The following RPH3AL variants were observed in gnomAD, a reference collection of about 807,000 sequenced individuals.
The protein encoded by RPH3AL is rab effector Noc2.
RPH3AL carries 38 observed loss-of-function variants against 43.1 expected under a neutral mutation model. That is an observed-to-expected ratio of 0.88 (90% CI 0.68 to 1.15). RPH3AL has a LOEUF of 1.15. Ranked by LOEUF, RPH3AL falls within the 50% of genes most tolerant of loss-of-function variation. RPH3AL has a pLI of 0.00. For missense variants in RPH3AL, 462 were observed against 423.2 expected (o/e 1.09, Z -0.81); for synonymous variants, 189 against 176.3 (o/e 1.07, Z -0.57).
chr17:349,612 AG>A (rs1474070884), intron 1 of RPH3AL, among the ~76,000 whole-genome samples: 2 of 152,116 alleles, frequency 1.3e-5, no homozygotes, highest in East Asian at 3.9e-4. Context: ...GCTTGAGGCC[AG>A]GAGTTCGAGA....
intron 7 of RPH3AL, among the ~76,000 whole-genome samples, chr17:227,703 C>T (rs1028099199): frequency 6.6e-5 from 10 of 152,144 alleles, no homozygotes; most frequent in Non-Finnish European, 1.3e-4. Flanking sequence ...CATTGCCGCC[C>T]GGCACAAGGA....
intron 5 of RPH3AL, among the ~76,000 whole-genome samples, chr17:299,043 T>C (rs1326397140): frequency 7.2e-6 from 1 of 138,094 alleles, no homozygotes; most frequent in East Asian, 2.1e-4. Context: ...CTGCTGGCAG[T>C]AGGGAGCCAC....
intron 7 of RPH3AL, among the ~76,000 whole-genome samples, chr17:235,973 C>CG (rs2041382065): frequency 7.0e-6 from 1 of 142,308 alleles, no homozygotes; most frequent in Non-Finnish European, 1.5e-5. Context: ...TGGGGTCGGC[C>CG]AAGGCTCTAC....
At position 225,889 on chromosome 17, in the gene RPH3AL, T is replaced by G. The variant is rs1418685141; in HGVS notation, c.614-6153A>C. 6.6e-6 allele frequency among the ~76,000 whole-genome samples: 1 copy of G among 152,194 alleles called. No individual in the cohort carries two copies. Among genetic ancestry groups the G allele is most frequent in the African/African-American group, 2.4e-5 (1 of 41,452 alleles). ...ACGATGGGATGGGATGTCCCAGGAC[T>G]GGGGTTAGGGAGGTGAGCTCACCCT... On this transcript the variant is annotated intron_variant, in intron 7 of 9. Transcript: ENST00000331302. The surrounding 1 kb of genome is among the most constrained non-coding windows in gnomAD (Gnocchi z 4.4).
chr17:262,724 C>A (rs1055960246), intron 6 of RPH3AL, among the ~76,000 whole-genome samples: 3 of 152,142 alleles, frequency 2.0e-5, no homozygotes, highest in African/African-American at 7.2e-5. Flanking sequence ...TAAGCCCATG[C>A]CCCGAGCCAT....
chr17:306,837 C>A (rs1368498866), intron 5 of RPH3AL, among the ~76,000 whole-genome samples: 3 of 151,850 alleles, frequency 2.0e-5, no homozygotes, highest in Non-Finnish European at 4.4e-5. Context: ...CCCCCTCTGA[C>A]CTCCTCTTCT....
In RPH3AL at chr17:213,505, C is replaced by G; in HGVS notation, c.*347G>C. 1 of 399,644 alleles carries G rather than the reference C, an allele frequency of 2.5e-6. No individual in the cohort carries two copies. The highest frequency in any genetic ancestry group is 4.6e-6 in the Non-Finnish European group (1 of 216,444). 24.8% of individuals were successfully genotyped at this position (399,644 alleles called of 1,614,324 possible). On this transcript the variant is annotated 3_prime_UTR_variant, in exon 10 of 10. Coordinates refer to ENST00000331302, the MANE Select transcript of RPH3AL (RefSeq NM_006987.4). Reference sequence around the variant, plus strand: ...AATATAGCAACGGAGATAGCCCCACCGGGCGGCCCCTCTGACACTGCATGT... The same window carrying G: ...AATATAGCAACGGAGATAGCCCCACGGGGCGGCCCCTCTGACACTGCATGT...
chr17:218,467 G>T (rs868949881), intron 8 of RPH3AL, among the ~76,000 whole-genome samples: 3 of 142,238 alleles, frequency 2.1e-5, no homozygotes, highest in South Asian at 2.2e-4. Context: ...AATTGGCCTC[G>T]CTGAAATCAG....
chr17:219,516 C>CTTTTCTTT (rs2040899291), intron 8 of RPH3AL, 107 bp downstream of exon 8: 1 of 224,398 alleles, frequency 4.5e-6, no homozygotes, highest in South Asian at 4.7e-5. Context: ...CATTTCTTTT[C>CTTTTCTTT]TTTTTCTTCC....
rs1295998456 is a variant in RPH3AL, at chr17:300,782, G to A, written c.351+18638C>T. On this transcript the variant is annotated intron_variant, in intron 5 of 9. Transcript: ENST00000331302. ...GCAGAATCTCTCACCCGCTCTAGCA[G>A]GGGCTGGCCCAGCCTAGGCCCGCAG... Among the ~76,000 whole-genome samples the A allele has an allele frequency of 1.4e-5, 2 of 138,538 alleles. 1 individual carries two copies. Among genetic ancestry groups the A allele is most frequent in the African/African-American group, 6.3e-5 (2 of 31,594 alleles). 90.9% of individuals were successfully genotyped at this position (138,538 alleles called of 152,430 possible).
chr17:245,707 AC>A lies in RPH3AL; in HGVS notation c.613+1403del, dbSNP rs2041748575. On this transcript the variant is annotated intron_variant, in intron 7 of 9. Coordinates refer to ENST00000331302, the MANE Select transcript of RPH3AL (RefSeq NM_006987.4). The surrounding 1 kb of genome is among the most constrained non-coding windows in gnomAD (Gnocchi z 5.9). The stretch of plus-strand genomic sequence containing the variant: ...TCTGAGGTCCAAGGGTGGCAGAGGG[AC>A]CAGGTGGAGGACCGCCACTTCTCCA... Among the ~76,000 whole-genome samples the A allele has an allele frequency of 6.6e-6, 1 of 151,998 alleles. No individual in the cohort carries two copies. Among genetic ancestry groups the A allele is most frequent in the Admixed American group, 6.6e-5 (1 of 15,234 alleles).
At chr17:261,852 G>C (rs1317138066) in intron 6 of RPH3AL, 1 of 152,194 alleles carries the variant, frequency 6.6e-6, no homozygotes, top group African/African-American at 2.4e-5. Context: ...GGTGAGCTGA[G>C]GGGAAGTTCC....
chr17:264,726 G>T lies in RPH3AL; in HGVS notation c.438+17042C>A, dbSNP rs556320385. On this transcript the variant is annotated intron_variant, in intron 6 of 9. Coordinates refer to ENST00000331302, the MANE Select transcript of RPH3AL (RefSeq NM_006987.4). This position sits in a 1 kb window ranked among gnomAD's most constrained non-coding sequence, Gnocchi z 4.8. The stretch of plus-strand genomic sequence containing the variant: ...GAGGATGACCCTTCCACCTGTGACC[G>T]GTATCAGCAAAAATGGAACACAGAA... Among the ~76,000 whole-genome samples the T allele has an allele frequency of 6.6e-6, 1 of 152,108 alleles. No individual in the cohort carries two copies. Among genetic ancestry groups the T allele is most frequent in the African/African-American group, 2.4e-5 (1 of 41,404 alleles).
intron 2 of RPH3AL, chr17:331,651 G>A (rs1048387671): frequency 5.4e-6 from 7 of 1,288,124 alleles, no homozygotes; most frequent in Admixed American, 2.3e-5. Context: ...AGCATGCAGA[G>A]GCTCCCTGAC....
intron 6 of RPH3AL, among the ~76,000 whole-genome samples, chr17:250,774 G>A (rs570910653): frequency 4.7e-5 from 7 of 147,416 alleles, no homozygotes; most frequent in South Asian, 2.2e-4. Context: ...CTGCCACTGC[G>A]GGACCTCTCA....
intron 5 of RPH3AL, among the ~76,000 whole-genome samples, chr17:300,930 C>A (rs1170101714): frequency 6.9e-6 from 1 of 145,958 alleles, no homozygotes; most frequent in East Asian, 2.1e-4. Context: ...GCAGGGGCTG[C>A]CACAGCCTAG....
At chr17:223,626 G>T (rs1393975966) in intron 7 of RPH3AL, among the ~76,000 whole-genome samples, 1 of 151,998 alleles carries the variant, frequency 6.6e-6, no homozygotes, top group African/African-American at 2.4e-5. Context: ...GTGTAGGGAA[G>T]AATTCAGAGA....
At chr17:278,921 A>C (rs1189661603) in intron 6 of RPH3AL, among the ~76,000 whole-genome samples, 3 of 152,104 alleles carry the variant, frequency 2.0e-5, no homozygotes, top group Non-Finnish European at 4.4e-5. Context: ...TCTCACCAGC[A>C]CTCAACTCGC....
rs181050881 is a variant in RPH3AL, at chr17:333,685, C to T, written c.-37+74G>A. ...GAAATGGACATCCTGGCAGATAAAT[C>T]TCTGACGACTGCCTTAGGATAAGTT... is the stretch of plus-strand genomic sequence containing the variant. On this transcript the variant is annotated intron_variant, in intron 2 of 9. Coordinates refer to ENST00000331302, the MANE Select transcript of RPH3AL (RefSeq NM_006987.4). This position sits in a 1 kb window ranked among gnomAD's most constrained non-coding sequence, Gnocchi z 4.5. The T allele has an allele frequency of 1.2e-4, 21 of 181,146 alleles. No homozygotes were observed. The East Asian group carries it at 2.4e-3, about 21-fold the overall frequency. The allele number at this position is 181,146 out of a possible 1,614,324, so 11.2% of individuals were successfully genotyped here.
Sources: allele counts gnomAD v4.1 joint callset (sites outside exome capture counted in the v4.1 genomes callset), GRCh38; gene constraint gnomAD v4.1.1; non-coding constraint Gnocchi (gnomAD v3.1); transcripts MANE v1.5; gene names NCBI Gene and HGNC (gene_info 2026-07-23, HGNC 2026-07-21).